The following CC2D2A variants were observed in gnomAD, a reference collection of about 807,000 sequenced individuals.
The protein encoded by CC2D2A is coiled-coil and C2 domain containing 2A, also known as coiled-coil and C2 domain-containing protein 2A.
A neutral mutation model predicts 212.9 loss-of-function variants in CC2D2A; 155 were observed. The observed-to-expected ratio is 0.73, with a 90% CI of 0.64 to 0.83. CC2D2A has a LOEUF of 0.83. Among genes scored for constraint, CC2D2A ranks in the 40% least tolerant of loss-of-function variants. The pLI is 0.00. For missense variants in CC2D2A, 1,856 were observed against 1,956.2 expected, an observed-to-expected ratio of 0.95 and a Z score of 0.97; for synonymous variants, 667 against 686.5, an observed-to-expected ratio of 0.97 and a Z score of 0.44.
intron 24 of CC2D2A, 32 bp downstream of exon 24, chr4:15,563,554 TG>T (rs1443713426): frequency 6.2e-7 from 1 of 1,602,356 alleles, no homozygotes; most frequent in Non-Finnish European, 8.5e-7. Flanking sequence ...CGAGATGCAG[TG>T]TGCAGCATCC....
chr4:15,553,796 C>A (rs747387683), intron 19 of CC2D2A, among the ~76,000 whole-genome samples: 1 of 152,190 alleles, frequency 6.6e-6, no homozygotes, highest in Non-Finnish European at 1.5e-5. Flanking sequence ...GCCAGCCCCT[C>A]CCTGTGTTTG....
At chr4:15,537,143 T>C (rs1312783197) in intron 15 of CC2D2A, 67 bp downstream of exon 15, 48 of 1,458,574 alleles carry the variant, frequency 3.3e-5, no homozygotes, top group Non-Finnish European at 4.0e-5. Flanking sequence ...CAGCCTCCAG[T>C]ACAGGAGTGG....
At chr4:15,571,137 C>T (rs1206617229) in intron 28 of CC2D2A, among the ~76,000 whole-genome samples, 1 of 152,062 alleles carries the variant, frequency 6.6e-6, no homozygotes, top group East Asian at 1.9e-4. Flanking sequence ...AAAGTGGAAA[C>T]TTGTCAAAAC....
At chr4:15,508,186 G>A (rs1176359316) in intron 6 of CC2D2A, among the ~76,000 whole-genome samples, 1 of 152,152 alleles carries the variant, frequency 6.6e-6, no homozygotes, top group African/African-American at 2.4e-5. Flanking sequence ...AGCAGTCTAC[G>A]TGACTCCTCA....
intron 2 of CC2D2A, among the ~76,000 whole-genome samples, chr4:15,476,334 T>C (rs570824970): frequency 6.6e-6 from 1 of 152,386 alleles, no homozygotes; most frequent in East Asian, 1.9e-4. Context: ...GCTGCTGTGA[T>C]TGGCTGAGAC....
At chr4:15,470,679 CTCTCTCTCTCTATATATATATA>C (rs1445639775) in intron 1 of CC2D2A, among the ~76,000 whole-genome samples, 135 of 70,278 alleles carry the variant, frequency 1.9e-3, no homozygotes, top group Middle Eastern at 0.014. Flanking sequence ...CTCTCTCTCT[CTCTCTCTCTCTATATATATATA>C]TATATATATA....
In CC2D2A at chr4:15,555,059, CTCT is replaced by C; in HGVS notation, c.2487-8_2487-6del. ...GGTCAAGTCAGTCTCATGGAATCAA[CTCT>C]TCTTTTCAGTGCTTTGAAGAAAGCA... On this transcript the variant is annotated splice_polypyrimidine_tract_variant and intron_variant, in intron 19 of 36. Transcript: ENST00000424120. The C allele has an allele frequency of 6.2e-7, 1 of 1,603,334 alleles. No individual in the cohort carries two copies. The highest frequency in any genetic ancestry group is 1.7e-4 in the Middle Eastern group (1 of 6,042).
rs184103529 is a variant in CC2D2A at position 15,491,037 on chromosome 4, G to A, written c.247+10210G>A. Among the ~76,000 whole-genome samples, 38 of 152,238 alleles carry A rather than the reference G, an allele frequency of 2.5e-4. 1 individual carries two copies. In the East Asian group the frequency reaches 5.6e-3, roughly 22 times the overall value. On this transcript the variant is annotated intron_variant, in intron 4 of 36. Coordinates refer to ENST00000424120, the MANE Select transcript of CC2D2A (RefSeq NM_001378615.1). Reference sequence around the variant, plus strand: ...AGTTGTTGGAGATGTGAGTCTTGCCGAAGCTCCCGGCCGAATAAAGCCCTT... The same window carrying A: ...AGTTGTTGGAGATGTGAGTCTTGCCAAAGCTCCCGGCCGAATAAAGCCCTT...
At chr4:15,480,950 CT>C in intron 4 of CC2D2A, 123 bp downstream of exon 4, 1 of 1,189,438 alleles carries the variant, frequency 8.4e-7, no homozygotes, top group Non-Finnish European at 1.2e-6. Flanking sequence ...GCTCCACCCA[CT>C]TTACCCCAAC....
chr4:15,488,168 G>T (rs34465372), intron 4 of CC2D2A, among the ~76,000 whole-genome samples: 43,527 of 152,022 alleles, frequency 0.29, 7,253 homozygotes, highest in Non-Finnish European at 0.38. Context: ...TATACCTTCA[G>T]ATTTCTTATT....
At chr4:15,566,328 T>C (rs1291760687) in intron 24 of CC2D2A, among the ~76,000 whole-genome samples, 4 of 152,034 alleles carry the variant, frequency 2.6e-5, no homozygotes, top group Non-Finnish European at 4.4e-5. Flanking sequence ...CTTGGGGTTA[T>C]TGGAGAGTGC....
chr4:15,491,321 T>C (rs1715294431), intron 4 of CC2D2A, among the ~76,000 whole-genome samples: 1 of 152,196 alleles, frequency 6.6e-6, no homozygotes, highest in Admixed American at 6.5e-5. Context: ...TGCTTTTAAC[T>C]TGCACTTCCC....
intron 34 of CC2D2A, among the ~76,000 whole-genome samples, chr4:15,596,502 A>G (rs1721329899): frequency 6.6e-6 from 1 of 152,200 alleles, no homozygotes. Context: ...TCAATTCACT[A>G]AATAGATTTC....
At chr4:15,571,433 A>G (rs886550682) in intron 28 of CC2D2A, among the ~76,000 whole-genome samples, 2 of 152,174 alleles carry the variant, frequency 1.3e-5, no homozygotes, top group Non-Finnish European at 2.9e-5. Flanking sequence ...AGTCTATGGC[A>G]ACAGGAGGCT....
rs142820028 is a variant in CC2D2A at position 15,490,389 on chromosome 4, A to G, written c.247+9562A>G. ...GAACATTGCATGTAAATGGAATCATACAATATGTAGTGATTTGCACCTGAC... is the reference window on the plus strand; with the variant it reads ...GAACATTGCATGTAAATGGAATCATGCAATATGTAGTGATTTGCACCTGAC... On this transcript the variant is annotated intron_variant, in intron 4 of 36. Coordinates refer to ENST00000424120, the MANE Select transcript of CC2D2A (RefSeq NM_001378615.1). Among the ~76,000 whole-genome samples the G allele has an allele frequency of 2.2e-4, 33 of 152,334 alleles. 1 individual carries two copies. The East Asian group carries it at 3.5e-3, about 16-fold the overall frequency.
intron 36 of CC2D2A, among the ~76,000 whole-genome samples, chr4:15,600,873 G>A (rs34955342): frequency 0.21 from 30,136 of 141,678 alleles, 3,330 homozygotes; most frequent in Non-Finnish European, 0.25. Context: ...TGCCACTGCA[G>A]TCTAGCATGG....
chr4:15,599,466 C>A (rs1721477445), intron 35 of CC2D2A, 63 bp from the exon 36 acceptor site: 5 of 1,100,838 alleles, frequency 4.5e-6, no homozygotes, highest in Non-Finnish European at 6.5e-6. Context: ...CTACATACTA[C>A]ATACATTTTT....
Position 15,555,175 on chromosome 4 carries a change from G to A in CC2D2A, c.2590G>A (p.Asp864Asn), listed in dbSNP as rs560623516. 3.1e-6 allele frequency: 5 copies of A among 1,613,890 alleles called. No individual in the cohort carries two copies. Among genetic ancestry groups the A allele is most frequent in the Middle Eastern group, 1.7e-4 (1 of 6,060 alleles). The change falls in exon 20 of 37, where the codon GAC (aspartate) becomes AAC (asparagine). Residue 864 changes from aspartate to asparagine, a missense_variant. Around this residue, in one of 5 missense-constraint regions of CC2D2A, gnomAD observed 1,512 missense variants for 1,579.3 expected, o/e 0.96. Transcript: ENST00000424120. ...WAAESKLDPN[D>N]PNNAPLMQLI... is the part of the protein sequence containing the mutation. ...AGCAGAGTCCAAGCTCGACCCAAAT[G>A]ACCCCAACAATGCCCCTTTGATGCA...
chr4:15,563,516 C>A lies in CC2D2A; in HGVS notation c.3176C>A (p.Ala1059Glu), dbSNP rs200034384. ...RAYDIPVRKP[A>E]VSKFQQPSRS... Reference sequence around the variant, plus strand: ...TACGACATTCCAGTGAGGAAGCCGGCAGTGAGGTGAGAGCCCTCCCAACAG... The same window carrying A: ...TACGACATTCCAGTGAGGAAGCCGGAAGTGAGGTGAGAGCCCTCCCAACAG... The change falls in exon 24 of 37, where the codon GCA (alanine) becomes GAA (glutamate). Residue 1059 changes from alanine (A) to glutamate (E), a missense_variant. Ala to Glu is a moderately radical substitution (Grantham distance 107). Around this residue, in one of 5 missense-constraint regions of CC2D2A, gnomAD observed 1,512 missense variants for 1,579.3 expected, o/e 0.96. Coordinates refer to ENST00000424120, the MANE Select transcript of CC2D2A (RefSeq NM_001378615.1). 2.1e-5 allele frequency: 34 copies of A among 1,611,386 alleles called. No homozygotes were observed. In the Admixed American group the frequency reaches 2.3e-4, roughly 11 times the overall value.
Sources: gnomAD v4.1 joint callset for allele counts (sites outside exome capture counted in the v4.1 genomes callset) on GRCh38, gnomAD v4.1.1 for gene constraint, gnomAD v4.1.1 regional missense constraint, MANE v1.5 for transcripts, NCBI Gene and HGNC (gene_info 2026-07-23, HGNC 2026-07-21) for gene names.